Variants in TTC39C observed in about 807,000 individuals in gnomAD.
TTC39C encodes tetratricopeptide repeat protein 39C.
TTC39C carries 33 observed loss-of-function variants against 76.3 expected under a neutral mutation model. That is an observed-to-expected ratio of 0.43 (90% confidence interval 0.33 to 0.58). The LOEUF is 0.58. Among genes scored for constraint, TTC39C ranks in the 20% least tolerant of loss-of-function variants. The probability of loss-of-function intolerance (pLI) is 0.04; values close to 1 mark genes in which losing one functional copy is unlikely to be tolerated. For synonymous variants in TTC39C, 254 were observed against 260.6 expected, an observed-to-expected ratio of 0.97 and a Z score of 0.24; for missense variants, 595 against 701.4, an observed-to-expected ratio of 0.85 and a Z score of 1.71.
At position 24,134,287 on chromosome 18, in the gene TTC39C, T is replaced by TTTTTTTTTTTTTTTTTC. The variant is rs2085172329; in HGVS notation, c.*1717_*1718insTTTTTTTTTTTTCTTTT. The TTTTTTTTTTTTTTTTTC allele has an allele frequency of 7.2e-6, 1 of 138,458 alleles. No homozygotes were observed. The highest frequency in any genetic ancestry group is 1.5e-5 in the Non-Finnish European group (1 of 65,672). The allele number at this position is 138,458 out of a possible 1,614,324, so 8.6% of individuals were successfully genotyped here. ...TTGTTTTTTTTTTTTTTTTTTTTTT[T>TTTTTTTTTTTTTTTTTC]TTTTGAGACGGAGTCTCGCTCTGTC... On this transcript the variant is annotated 3_prime_UTR_variant, in exon 14 of 14. Transcript: ENST00000317571.
At chr18:24,021,408 C>G (rs1270172) in intron 1 of TTC39C, among the ~76,000 whole-genome samples, 1 of 152,124 alleles carries the variant, frequency 6.6e-6, no homozygotes, top group African/African-American at 2.4e-5. Flanking sequence ...CTTCCAGTTT[C>G]TGAACAAGTG....
intron 1 of TTC39C, among the ~76,000 whole-genome samples, chr18:24,054,627 C>G (rs1325233177): frequency 6.6e-6 from 1 of 152,126 alleles, no homozygotes; most frequent in Non-Finnish European, 1.5e-5. Context: ...CTTTTGTTTT[C>G]ACATTAAATT....
intron 1 of TTC39C, among the ~76,000 whole-genome samples, chr18:23,996,879 G>T (rs2083265373): frequency 6.6e-6 from 1 of 152,136 alleles, no homozygotes; most frequent in Non-Finnish European, 1.5e-5. Flanking sequence ...GGAGGCCAAG[G>T]TGGGTGGATC....
chr18:24,058,173 A>G (rs2084041251), intron 1 of TTC39C, among the ~76,000 whole-genome samples: 1 of 152,192 alleles, frequency 6.6e-6, no homozygotes, highest in African/African-American at 2.4e-5. Flanking sequence ...GGTGGAGGGT[A>G]GGAAGAGGGT....
chr18:24,050,777 C>A (rs1387665654), intron 1 of TTC39C, among the ~76,000 whole-genome samples: 1 of 149,920 alleles, frequency 6.7e-6, no homozygotes, highest in Admixed American at 6.7e-5. Flanking sequence ...GAGGTTGAGG[C>A]AGGAGAATTG....
intron 9 of TTC39C, among the ~76,000 whole-genome samples, chr18:24,124,796 G>T (rs1292853109): frequency 6.6e-6 from 1 of 152,192 alleles, no homozygotes; most frequent in East Asian, 1.9e-4. Context: ...TAAGCCCGTT[G>T]AATTATTAGC....
intron 1 of TTC39C, among the ~76,000 whole-genome samples, chr18:24,029,194 C>T (rs1191563722): frequency 6.6e-6 from 1 of 152,090 alleles, no homozygotes; most frequent in East Asian, 1.9e-4. Context: ...CCTCTGCCTC[C>T]TGAGTTCAAG....
intron 1 of TTC39C, among the ~76,000 whole-genome samples, chr18:24,061,091 A>G (rs1008579325): frequency 1.3e-5 from 2 of 152,194 alleles, no homozygotes; most frequent in African/African-American, 4.8e-5. Flanking sequence ...AACAAGATGT[A>G]TAAAAGGGAG....
At chr18:24,056,976 C>A (rs1054525675) in intron 1 of TTC39C, among the ~76,000 whole-genome samples, 3 of 152,114 alleles carry the variant, frequency 2.0e-5, no homozygotes, top group Admixed American at 1.3e-4. Flanking sequence ...AGCCATCATG[C>A]CTGGCCTTGT....
At chr18:24,043,662 C>T (rs2083825401) in intron 1 of TTC39C, among the ~76,000 whole-genome samples, 1 of 152,204 alleles carries the variant, frequency 6.6e-6, no homozygotes, top group Non-Finnish European at 1.5e-5. Flanking sequence ...ATCCCACATT[C>T]AGAGCTTTCA....
chr18:24,054,328 A>G (rs2083989232), intron 1 of TTC39C, among the ~76,000 whole-genome samples: 1 of 152,208 alleles, frequency 6.6e-6, no homozygotes, highest in African/African-American at 2.4e-5. Flanking sequence ...TGGATGATAT[A>G]TTCCGTTGAG....
At chr18:24,048,667 T>C (rs2083914489) in intron 1 of TTC39C, among the ~76,000 whole-genome samples, 1 of 152,198 alleles carries the variant, frequency 6.6e-6, no homozygotes, top group South Asian at 2.1e-4. Context: ...TGAGAAAATA[T>C]TGCTTTCTTT....
intron 4 of TTC39C, among the ~76,000 whole-genome samples, chr18:24,075,311 A>G (rs1013226588): frequency 6.6e-6 from 1 of 152,038 alleles, no homozygotes; most frequent in Non-Finnish European, 1.5e-5. Context: ...AAAAAAAAAA[A>G]AGTCTGTTGG....
At chr18:24,019,083 A>T (rs2083489577) in intron 1 of TTC39C, among the ~76,000 whole-genome samples, 1 of 152,122 alleles carries the variant, frequency 6.6e-6, no homozygotes, top group African/African-American at 2.4e-5. Flanking sequence ...ATGGCTTGAC[A>T]TATTACTTTT....
In TTC39C at chr18:24,089,519, G is replaced by T. The variant is rs569011438; in HGVS notation, c.984+6438G>T. On this transcript the variant is annotated intron_variant, in intron 6 of 13. Coordinates refer to ENST00000317571, the MANE Select transcript of TTC39C (RefSeq NM_001135993.2). ...TGTAGAGGATATGAAGGATGTATTT[G>T]TATCTCACTTTCCAGTGAGATAAAT... Among the ~76,000 whole-genome samples the T allele has an allele frequency of 2.0e-5, 3 of 152,246 alleles. No individual in the cohort carries two copies. In the South Asian group the frequency reaches 6.2e-4, roughly 32 times the overall value.
intron 8 of TTC39C, among the ~76,000 whole-genome samples, chr18:24,122,151 T>TGGGATA (rs1297904123): frequency 6.6e-6 from 1 of 152,114 alleles, no homozygotes; most frequent in Non-Finnish European, 1.5e-5. Flanking sequence ...CGTGCACGCC[T>TGGGATA]GGGATAGGTG....
At chr18:24,012,971 C>T (rs1052311385), upstream of TTC39C, 2 of 152,194 alleles carry the variant, frequency 1.3e-5, no homozygotes, top group Admixed American at 1.3e-4. Flanking sequence ...GCATAACCCT[C>T]AACATCCATT....
chr18:24,069,053 C>A, intron 3 of TTC39C, 104 bp from the exon 4 acceptor site: 1 of 969,610 alleles, frequency 1.0e-6, no homozygotes, highest in Non-Finnish European at 1.6e-6. Context: ...CCAGGTTTCA[C>A]AATTCGTATG....
chr18:24,081,270 T>C (rs1306848532), intron 5 of TTC39C, among the ~76,000 whole-genome samples: 1 of 152,218 alleles, frequency 6.6e-6, no homozygotes, highest in Non-Finnish European at 1.5e-5. Context: ...AGGTACAAAT[T>C]TGCTAAGCTT....
Sources: allele counts gnomAD v4.1 joint callset (sites outside exome capture counted in the v4.1 genomes callset), GRCh38; gene constraint gnomAD v4.1.1; transcripts MANE v1.5; gene names NCBI Gene and HGNC (gene_info 2026-07-23, HGNC 2026-07-21).